Variants in COL5A2 observed in about 807,000 individuals in gnomAD.
The protein encoded by COL5A2 is collagen alpha-2(V) chain.
COL5A2 carries 23 observed loss-of-function variants against 208.2 expected under a neutral mutation model. The ratio of observed to expected loss-of-function variants is 0.11; its 90% CI spans 0.08 to 0.16. The LOEUF (loss-of-function observed/expected upper bound fraction) is 0.16, where lower values mean the gene tolerates loss of function less well. Among genes scored for constraint, COL5A2 ranks in the 10% least tolerant of loss-of-function variants. The probability of loss-of-function intolerance (pLI) is 1.00; values close to 1 mark genes in which losing one functional copy is unlikely to be tolerated. For synonymous variants in COL5A2, 625 were observed against 628.5 expected, an observed-to-expected ratio of 0.99 and a Z score of 0.08; for missense variants, 1,590 against 1,956.4, an observed-to-expected ratio of 0.81 and a Z score of 3.53.
chr2:189,123,723 C>G (rs1687554670), intron 1 of COL5A2, among the ~76,000 whole-genome samples: 1 of 151,902 alleles, frequency 6.6e-6, no homozygotes. Context: ...GAAGAATAAC[C>G]CAGTAGAAAT....
At chr2:189,254,934 T>C in the COL5A2 span, among the ~76,000 whole-genome samples, 1 of 152,190 alleles carries the variant, frequency 6.6e-6, no homozygotes, top group South Asian at 2.1e-4. Flanking sequence ...ATAACCTCTA[T>C]TCTGCTACCC....
chr2:189,071,215 G>T (rs1213586469), intron 18 of COL5A2, among the ~76,000 whole-genome samples: 1 of 152,108 alleles, frequency 6.6e-6, no homozygotes, highest in Non-Finnish European at 1.5e-5. Context: ...AGTTTAGAGG[G>T]GCCAGGTGAC....
the COL5A2 span, among the ~76,000 whole-genome samples, chr2:189,257,217 G>A: frequency 6.6e-6 from 1 of 152,040 alleles, no homozygotes; most frequent in South Asian, 2.1e-4. Flanking sequence ...CACATTACTT[G>A]CCATTCCAAT....
the COL5A2 span, among the ~76,000 whole-genome samples, chr2:189,287,050 G>C: frequency 3.3e-5 from 5 of 151,938 alleles, no homozygotes; most frequent in African/African-American, 1.2e-4. Flanking sequence ...GAGACAACCT[G>C]CCCAAATTTA....
chr2:189,153,135 C>G (rs1205351456), intron 1 of COL5A2, among the ~76,000 whole-genome samples: 1 of 152,160 alleles, frequency 6.6e-6, no homozygotes, highest in Non-Finnish European at 1.5e-5. Flanking sequence ...GTCAACCTAG[C>G]TAAACATTTT....
At chr2:189,072,493 C>G (rs182518889) in intron 17 of COL5A2, among the ~76,000 whole-genome samples, 123 of 152,120 alleles carry the variant, frequency 8.1e-4, no homozygotes, top group East Asian at 4.6e-3. Flanking sequence ...ATCTGGAGGC[C>G]AGGCACGGTG....
At chr2:189,392,564 A>G in the COL5A2 span, among the ~76,000 whole-genome samples, 1 of 152,192 alleles carries the variant, frequency 6.6e-6, no homozygotes, top group South Asian at 2.1e-4. Context: ...TATCTAAAGA[A>G]GCAAATCATC....
chr2:189,380,566 ATAAG>A, the COL5A2 span, among the ~76,000 whole-genome samples: 1 of 151,488 alleles, frequency 6.6e-6, no homozygotes, highest in South Asian at 2.1e-4. Flanking sequence ...TCTAGTACAA[ATAAG>A]TAATTAATAT....
the COL5A2 span, among the ~76,000 whole-genome samples, chr2:189,280,734 A>T: frequency 2.0e-5 from 3 of 152,122 alleles, no homozygotes; most frequent in African/African-American, 7.2e-5. Flanking sequence ...AAATAGATCA[A>T]CTGAGGTTCA....
At chr2:189,036,897 A>G (rs1210496938) in intron 51 of COL5A2, 94 bp from the exon 52 acceptor site, 6 of 991,564 alleles carry the variant, frequency 6.1e-6, no homozygotes, top group Non-Finnish European at 9.2e-6. Flanking sequence ...GAAAATATAC[A>G]CTCACTGATT....
At chr2:189,144,368 G>A (rs988017409) in intron 1 of COL5A2, among the ~76,000 whole-genome samples, 3 of 151,974 alleles carry the variant, frequency 2.0e-5, no homozygotes, top group Admixed American at 1.3e-4. Context: ...AAAGGAGAGG[G>A]GAGAAAAACA....
chr2:189,081,148 G>A (rs761530814), intron 12 of COL5A2, 105 bp from the exon 13 acceptor site: 66 of 866,460 alleles, frequency 7.6e-5, no homozygotes, highest in Non-Finnish European at 1.3e-4. Context: ...CAGTTTTCCA[G>A]CAACATATTA....
chr2:189,334,661 A>T, the COL5A2 span, among the ~76,000 whole-genome samples: 1 of 152,078 alleles, frequency 6.6e-6, no homozygotes, highest in Non-Finnish European at 1.5e-5. Context: ...TTCTCCCCAA[A>T]TTGATAGATA....
chr2:189,279,150 G>A, the COL5A2 span, among the ~76,000 whole-genome samples: 3 of 151,618 alleles, frequency 2.0e-5, no homozygotes, highest in Non-Finnish European at 4.4e-5. Context: ...TAAAAGAACA[G>A]AAGAAAGATG....
At chr2:189,412,996 T>C in the COL5A2 span, among the ~76,000 whole-genome samples, 1 of 152,150 alleles carries the variant, frequency 6.6e-6, no homozygotes, top group Non-Finnish European at 1.5e-5. Flanking sequence ...GAGAGTTAGA[T>C]AGATAGTATG....
chr2:189,360,641 T>A, the COL5A2 span, among the ~76,000 whole-genome samples: 1 of 152,052 alleles, frequency 6.6e-6, no homozygotes, highest in Non-Finnish European at 1.5e-5. Context: ...TTTTAACTTC[T>A]GGGATACATG....
chr2:189,186,750 T>C (rs917267815), intron 1 of COL5A2, among the ~76,000 whole-genome samples: 1 of 152,228 alleles, frequency 6.6e-6, no homozygotes, highest in African/African-American at 2.4e-5. Flanking sequence ...TATAATAATA[T>C]CATTTCAAGG....
chr2:189,119,451 T>C (rs62182415), intron 1 of COL5A2, among the ~76,000 whole-genome samples: 22,798 of 152,080 alleles, frequency 0.15, 2,042 homozygotes, highest in Non-Finnish European at 0.2. Context: ...TACAAATCCA[T>C]GTGCTTCTAA....
chr2:189,414,481 C>T, the COL5A2 span, among the ~76,000 whole-genome samples: 3 of 151,950 alleles, frequency 2.0e-5, no homozygotes, highest in East Asian at 1.9e-4. Flanking sequence ...CTAAGCTGGG[C>T]GCAGTGGTTC....
Sources: allele counts gnomAD v4.1 joint callset (sites outside exome capture counted in the v4.1 genomes callset), GRCh38; gene constraint gnomAD v4.1.1; transcripts MANE v1.5; gene names NCBI Gene and HGNC (gene_info 2026-07-23, HGNC 2026-07-21).